Variants in PRPF18 observed in about 807,000 individuals in gnomAD.
PRPF18 encodes the protein pre-mRNA processing factor 18.
Under a neutral mutation model 46.5 loss-of-function variants are expected in PRPF18, and 38 were observed. The observed-to-expected ratio is 0.82, with a 90% CI of 0.63 to 1.07. PRPF18 has a LOEUF of 1.07. PRPF18 is among the 50% of genes least tolerant of loss of function. PRPF18 has a pLI of 0.00. For missense variants in PRPF18, 263 were observed against 410.0 expected, an observed-to-expected ratio of 0.64 and a Z score of 3.10; for synonymous variants, 152 against 146.7, an observed-to-expected ratio of 1.04 and a Z score of -0.26.
the PRPF18 span, chr10:13,654,542 G>C: frequency 7.1e-7 from 1 of 1,407,584 alleles, no homozygotes; most frequent in South Asian, 1.2e-5. Flanking sequence ...GAAAGGCAGA[G>C]AGCAGACAGG....
chr10:13,594,602 C>T (rs1204631300), intron 1 of PRPF18, among the ~76,000 whole-genome samples: 1 of 152,172 alleles, frequency 6.6e-6, no homozygotes, highest in East Asian at 1.9e-4. Context: ...GTGAATTATG[C>T]AGATCTTCTT....
intron 4 of PRPF18, among the ~76,000 whole-genome samples, chr10:13,607,045 A>G (rs1048371703): frequency 6.6e-6 from 1 of 152,180 alleles, no homozygotes; most frequent in Admixed American, 6.5e-5. Flanking sequence ...GCATCTTTTC[A>G]TAAAGTTGTG....
At chr10:13,646,725 G>A in the PRPF18 span, 1 of 152,746 alleles carries the variant, frequency 6.5e-6, no homozygotes, top group Admixed American at 6.5e-5. Flanking sequence ...CTATGGGCAA[G>A]AGCGCCAGGG....
intron 9 of PRPF18, among the ~76,000 whole-genome samples, chr10:13,630,012 C>T (rs964386886): frequency 2.6e-5 from 4 of 152,178 alleles, no homozygotes; most frequent in African/African-American, 7.2e-5. Flanking sequence ...ATATGTCCTC[C>T]TATGGATGGA....
chr10:13,597,648 A>G, intron 2 of PRPF18, 113 bp downstream of exon 2: 1 of 1,604,648 alleles, frequency 6.2e-7, no homozygotes, highest in Non-Finnish European at 8.5e-7. Flanking sequence ...ACGTTAGCCT[A>G]TAAATGAGAA....
At chr10:13,596,372 T>C (rs1056886049) in intron 1 of PRPF18, among the ~76,000 whole-genome samples, 8 of 152,218 alleles carry the variant, frequency 5.3e-5, no homozygotes, top group South Asian at 2.1e-4. Flanking sequence ...AGCTTGATCA[T>C]TGGGTTCAAA....
At position 13,605,608 on chromosome 10, in the gene PRPF18, T is replaced by C. The variant is rs747947341; in HGVS notation, c.250-23T>C. ...AAAAAAAAAAAAAAAAAAAATTTAC[T>C]GGGTATCTGTTTCACTTTGTAGGTC... On this transcript the variant is annotated intron_variant, in intron 3 of 9. Coordinates refer to ENST00000378572, the MANE Select transcript of PRPF18 (RefSeq NM_003675.4). 8 of 1,493,266 alleles carry C rather than the reference T, an allele frequency of 5.4e-6. No individual in the cohort carries two copies. The South Asian group carries it at 7.7e-5, about 14-fold the overall frequency. 92.5% of individuals were successfully genotyped at this position (1,493,266 alleles called of 1,614,324 possible). A position where few individuals can be genotyped will look rare whatever the true frequency, so the allele number is the denominator to read the frequency against.
chr10:13,604,621 C>G (rs184968579), intron 3 of PRPF18, among the ~76,000 whole-genome samples: 1 of 152,184 alleles, frequency 6.6e-6, no homozygotes, highest in South Asian at 2.1e-4. Context: ...TTTTCCTTCT[C>G]TCTATAAATG....
chr10:13,624,070 C>T (rs2080461485), intron 9 of PRPF18, among the ~76,000 whole-genome samples: 1 of 152,178 alleles, frequency 6.6e-6, no homozygotes, highest in Non-Finnish European at 1.5e-5. Flanking sequence ...CTGCAACTTC[C>T]ACCCCCCAGG....
At chr10:13,597,635 T>A (rs1016729293) in intron 2 of PRPF18, 100 bp downstream of exon 2, 3 of 1,604,860 alleles carry the variant, frequency 1.9e-6, no homozygotes, top group Non-Finnish European at 2.6e-6. Flanking sequence ...AATTTATCAA[T>A]ATACGTTAGC....
chr10:13,609,020 C>A (rs761521376), intron 4 of PRPF18, among the ~76,000 whole-genome samples: 2 of 152,190 alleles, frequency 1.3e-5, no homozygotes, highest in African/African-American at 4.8e-5. Context: ...GGTGATCAGT[C>A]AGTGTTTGAG....
intron 3 of PRPF18, among the ~76,000 whole-genome samples, chr10:13,603,426 G>A (rs1174485617): frequency 1.3e-5 from 2 of 152,154 alleles, no homozygotes; most frequent in Non-Finnish European, 2.9e-5. Flanking sequence ...CAGAACCACT[G>A]TTATATAATT....
chr10:13,628,035 G>A (rs2080534909), intron 9 of PRPF18, among the ~76,000 whole-genome samples: 1 of 152,094 alleles, frequency 6.6e-6, no homozygotes, highest in African/African-American at 2.4e-5. Flanking sequence ...TCAAAGTTCT[G>A]CATACACATG....
intron 9 of PRPF18, among the ~76,000 whole-genome samples, chr10:13,621,680 C>T (rs2080422453): frequency 6.6e-6 from 1 of 152,194 alleles, no homozygotes; most frequent in Admixed American, 6.5e-5. Flanking sequence ...ATGAATTGAT[C>T]TGTGCACTGT....
intron 1 of PRPF18, among the ~76,000 whole-genome samples, chr10:13,595,748 T>C (rs1052460295): frequency 3.3e-5 from 5 of 152,214 alleles, no homozygotes; most frequent in Non-Finnish European, 7.3e-5. Context: ...CATCTTTATT[T>C]CCGTAAAACT....
At chr10:13,636,574 T>C in the PRPF18 span, among the ~76,000 whole-genome samples, 1 of 152,230 alleles carries the variant, frequency 6.6e-6, no homozygotes, top group African/African-American at 2.4e-5. Flanking sequence ...ACATTTCTTT[T>C]AATGTAAATT....
At chr10:13,597,401 G>A in intron 1 of PRPF18, 57 bp from the exon 2 acceptor site, 2 of 1,189,702 alleles carry the variant, frequency 1.7e-6, no homozygotes, top group Non-Finnish European at 2.4e-6. Context: ...TGTTGACTAT[G>A]GGACATGAAA....
the PRPF18 span, chr10:13,655,827 C>CT: frequency 6.6e-5 from 10 of 152,162 alleles, no homozygotes; most frequent in African/African-American, 2.4e-4. Context: ...GTGTCCCTCT[C>CT]TGAGTGGTAA....
chr10:13,598,509 G>A (rs963283567), intron 2 of PRPF18, among the ~76,000 whole-genome samples: 1 of 152,130 alleles, frequency 6.6e-6, no homozygotes, highest in African/African-American at 2.4e-5. Flanking sequence ...TGATTTTGTA[G>A]TGCTGGGAGA....
Sources: allele counts gnomAD v4.1 joint callset (sites outside exome capture counted in the v4.1 genomes callset), GRCh38; gene constraint gnomAD v4.1.1; transcripts MANE v1.5; gene names NCBI Gene and HGNC (gene_info 2026-07-23, HGNC 2026-07-21).